TRIM37: variants seen among roughly 807,000 people sequenced by gnomAD.
TRIM37 encodes E3 ubiquitin-protein ligase TRIM37.
A neutral mutation model predicts 129.8 loss-of-function variants in TRIM37; 80 were observed. The observed-to-expected ratio is 0.62, with a 90% confidence interval of 0.51 to 0.74. The LOEUF is 0.74. Among genes scored for constraint, TRIM37 ranks in the 30% least tolerant of loss-of-function variants. The pLI is 0.00. For synonymous variants in TRIM37, 389 were observed against 387.1 expected, an observed-to-expected ratio of 1.00 and a Z score of -0.06; for missense variants, 1,054 against 1,176.5, an observed-to-expected ratio of 0.90 and a Z score of 1.52.
chr17:59,032,626 A>C (rs1179832707), intron 17 of TRIM37, among the ~76,000 whole-genome samples: 1 of 152,030 alleles, frequency 6.6e-6, no homozygotes, highest in Non-Finnish European at 1.5e-5. Flanking sequence ...TAGAATTCAG[A>C]AGCAAGCCTC....
In TRIM37 at chr17:59,106,726, C is replaced by T; in HGVS notation, c.-265G>A. On this transcript the variant is annotated 5_prime_UTR_variant, in exon 1 of 24. Coordinates refer to ENST00000262294, the MANE Select transcript of TRIM37 (RefSeq NM_015294.6). Reference sequence around the variant, plus strand: ...CGCAGCTCCTTTCTCCCGGCTCAGCCGCCGGCCAGCAGCCGCGCCGGAACC... The same window carrying T: ...CGCAGCTCCTTTCTCCCGGCTCAGCTGCCGGCCAGCAGCCGCGCCGGAACC... The T allele has an allele frequency of 1.2e-5, 7 of 574,228 alleles. No individual in the cohort carries two copies. The highest frequency in any genetic ancestry group is 1.0e-4 in the South Asian group (5 of 47,722). The allele number at this position is 574,228 out of a possible 1,614,324, so 35.6% of individuals were successfully genotyped here.
At chr17:59,068,858 C>T (rs1424496688) in intron 9 of TRIM37, among the ~76,000 whole-genome samples, 3 of 152,094 alleles carry the variant, frequency 2.0e-5, no homozygotes, top group African/African-American at 7.2e-5. Context: ...GTGATTTTGT[C>T]CCCAAGGACA....
intron 15 of TRIM37, among the ~76,000 whole-genome samples, 154 bp from the exon 16 acceptor site, chr17:59,047,973 A>G (rs1268066759): frequency 1.3e-5 from 2 of 152,216 alleles, no homozygotes; most frequent in Admixed American, 1.3e-4. Context: ...CCTGTAGAGA[A>G]AAATCACACA....
At chr17:59,091,185 T>C (rs1218797505) in intron 3 of TRIM37, 115 bp downstream of exon 3, 2 of 565,922 alleles carry the variant, frequency 3.5e-6, no homozygotes, top group Non-Finnish European at 6.2e-6. Context: ...TACTCAACTA[T>C]CTTCACGAAG....
chr17:59,064,824 T>G (rs2041797792), intron 9 of TRIM37, among the ~76,000 whole-genome samples: 1 of 152,016 alleles, frequency 6.6e-6, no homozygotes, highest in African/African-American at 2.4e-5. Flanking sequence ...GGCACGAGAA[T>G]CACTTGAACC....
chr17:59,106,269 G>A (rs551056130), intron 1 of TRIM37, among the ~76,000 whole-genome samples, 172 bp downstream of exon 1: 2 of 152,338 alleles, frequency 1.3e-5, no homozygotes, highest in South Asian at 2.1e-4. Context: ...CAAGACACCC[G>A]GAGCGCTGCA....
At chr17:59,053,518 T>A (rs182548716) in intron 13 of TRIM37, among the ~76,000 whole-genome samples, 1 of 152,328 alleles carries the variant, frequency 6.6e-6, no homozygotes, top group Non-Finnish European at 1.5e-5. Flanking sequence ...ATATTTTTCT[T>A]ATTAGCAACT....
chr17:59,010,975 C>A (rs1256456389), intron 22 of TRIM37, among the ~76,000 whole-genome samples: 1 of 151,954 alleles, frequency 6.6e-6, no homozygotes, highest in Non-Finnish European at 1.5e-5. Context: ...TCAAGACCAG[C>A]CTGGCCAACA....
At chr17:59,063,790 G>T (rs1318137889) in intron 10 of TRIM37, among the ~76,000 whole-genome samples, 5 of 152,192 alleles carry the variant, frequency 3.3e-5, no homozygotes, top group African/African-American at 1.2e-4. Flanking sequence ...GTAAGAGGGG[G>T]CTCATCAACC....
rs2037465199 is a variant in TRIM37, at chr17:59,028,422, T to C, written c.2250A>G (p.Ile750Met). 7.4e-6 allele frequency: 12 copies of C among 1,612,226 alleles called. No individual in the cohort carries two copies. The highest frequency in any genetic ancestry group is 1.0e-5 in the Non-Finnish European group (12 of 1,179,992). Residue 750 changes from isoleucine to methionine, a missense_variant, in exon 19 of 24, where the codon ATA becomes ATG. Around this residue, in one of 3 missense-constraint regions of TRIM37, gnomAD observed 287 missense variants for 274.3 expected, o/e 1.05. Transcript: ENST00000262294. ...LAKSSVANCY[I>M]RNSTNKKSNS... Reference sequence around the variant, plus strand: ...TGGGAACATATTACTTACAGTTTCGTATGTAACAATTGGCAACTGATGACT... The same window carrying C: ...TGGGAACATATTACTTACAGTTTCGCATGTAACAATTGGCAACTGATGACT...
chr17:59,015,176 G>A (rs1485580246), intron 21 of TRIM37, among the ~76,000 whole-genome samples: 3 of 151,722 alleles, frequency 2.0e-5, no homozygotes, highest in Non-Finnish European at 2.9e-5. Context: ...AGTGGCTCAC[G>A]CCTGTAATCC....
At chr17:59,046,776 G>A (rs948441781) in intron 16 of TRIM37, among the ~76,000 whole-genome samples, 4 of 150,526 alleles carry the variant, frequency 2.7e-5, no homozygotes, top group African/African-American at 4.9e-5. Context: ...TCCTGACCTC[G>A]TGATCCACCC....
chr17:59,064,405 A>C lies in TRIM37; in HGVS notation c.810T>G (p.Ser270Arg). 1 of 1,578,868 alleles carries C rather than the reference A, an allele frequency of 6.3e-7. No homozygotes were observed. Residue 270 changes from serine (S) to arginine (R), a missense_variant and splice_region_variant, in exon 10 of 24, where the codon AGT becomes AGG. By Grantham distance (110) the Ser-to-Arg change is moderately radical (BLOSUM62 -1). Coordinates refer to ENST00000262294, the MANE Select transcript of TRIM37 (RefSeq NM_015294.6). ...CTGAATCGTAAGATGGCACTAATTC[A>C]CTAAAAAAAAAAAGGCAAAAAAAAT... ...VTTPVPPDFT[S>R]ELVPSYDSAT...
rs770160154 is a variant in TRIM37, at chr17:59,015,785, A to G, written c.2401T>C (p.Ser801Pro). ...QTLSEGSPGS[S>P]QSGSRHSSPR... ...GAACTGTGCCTGCTCCCAGACTGAGAGCTTCCTGGGGAGCCTTCAAAAAAA... is the reference window on the plus strand; with the variant it reads ...GAACTGTGCCTGCTCCCAGACTGAGGGCTTCCTGGGGAGCCTTCAAAAAAA... The change falls in exon 21 of 24, where the codon TCT (serine) becomes CCT (proline). Residue 801 changes from serine to proline, a missense_variant. By Grantham distance (74) the Ser-to-Pro change is moderately conservative (BLOSUM62 -1). Around this residue, in one of 3 missense-constraint regions of TRIM37, gnomAD observed 287 missense variants for 274.3 expected, o/e 1.05. Coordinates refer to ENST00000262294, the MANE Select transcript of TRIM37 (RefSeq NM_015294.6). 1.2e-5 allele frequency: 19 copies of G among 1,613,108 alleles called. No homozygotes were observed. The Admixed American group carries it at 2.2e-4, about 18-fold the overall frequency.
intron 1 of TRIM37, among the ~76,000 whole-genome samples, chr17:59,104,741 T>C (rs2045835279): frequency 6.6e-6 from 1 of 152,088 alleles, no homozygotes; most frequent in African/African-American, 2.4e-5. Context: ...TAGATTACAG[T>C]CACCAGAAAT....
At chr17:58,985,233 T>G (rs1482906722) in intron 24 of TRIM37, 2 of 152,646 alleles carry the variant, frequency 1.3e-5, no homozygotes, top group African/African-American at 2.4e-5. Context: ...CTGTTTAAAT[T>G]TGTGCAGATT....
At chr17:59,079,376 G>A (rs2043074040) in intron 7 of TRIM37, among the ~76,000 whole-genome samples, 1 of 152,128 alleles carries the variant, frequency 6.6e-6, no homozygotes, top group African/African-American at 2.4e-5. Context: ...GAAAATGCTG[G>A]CAGGGGATGA....
Position 59,106,471 on chromosome 17 carries a change from C to G in TRIM37, c.-10G>C. 6.2e-7 allele frequency: 1 copy of G among 1,613,960 alleles called. No homozygotes were observed. Among genetic ancestry groups the G allele is most frequent in the Non-Finnish European group, 8.5e-7 (1 of 1,179,924 alleles). ...CGCTCTGTTCATCCATTGCCTCCGG[C>G]TCTCGGCGGGGCCGCTGGCGACCCG... On this transcript the variant is annotated 5_prime_UTR_variant, in exon 1 of 24. Transcript: ENST00000262294.
At chr17:59,015,569 T>A in intron 21 of TRIM37, 41 bp downstream of exon 21, 1 of 1,590,464 alleles carries the variant, frequency 6.3e-7, no homozygotes, top group Non-Finnish European at 8.6e-7. Context: ...ACAAAGCTAT[T>A]AGCTATTATA....
Sources: allele counts gnomAD v4.1 joint callset (sites outside exome capture counted in the v4.1 genomes callset), GRCh38; gene constraint gnomAD v4.1.1; regional missense constraint gnomAD v4.1.1; transcripts MANE v1.5; gene names NCBI Gene and HGNC (gene_info 2026-07-23, HGNC 2026-07-21).